Variants in MAML3 observed in about 807,000 individuals in gnomAD.
MAML3 encodes mastermind-like protein 3.
In MAML3, 27 loss-of-function variants were observed where a neutral mutation model predicts 101.9. That is an observed-to-expected ratio of 0.27 (90% CI 0.20 to 0.37). MAML3 has a LOEUF of 0.37. Among genes scored for constraint, MAML3 ranks in the 10% least tolerant of loss-of-function variants. The pLI is 1.00. For missense variants in MAML3, 1,316 were observed against 1,444.9 expected, an observed-to-expected ratio of 0.91 and a Z score of 1.45; for synonymous variants, 501 against 555.9, an observed-to-expected ratio of 0.90 and a Z score of 1.39.
chr4:139,730,925 GGACT>G (rs1367459222), intron 2 of MAML3: 5 of 542,672 alleles, frequency 9.2e-6, no homozygotes, highest in Non-Finnish European at 1.7e-5. Context: ...GTTTCGGATG[GGACT>G]GACTATTGCA....
At chr4:139,891,708 C>A (rs75820178) in intron 1 of MAML3, among the ~76,000 whole-genome samples, 2 of 152,166 alleles carry the variant, frequency 1.3e-5, no homozygotes, top group African/African-American at 4.8e-5. Flanking sequence ...AAAATAAAAA[C>A]TTCTAAGAAT....
At chr4:139,720,452 C>G (rs1388542499) in intron 4 of MAML3, 129 bp from the exon 5 acceptor site, 1 of 812,854 alleles carries the variant, frequency 1.2e-6, no homozygotes, top group Non-Finnish European at 1.8e-6. Flanking sequence ...GATAATAAAT[C>G]TGTAACAAAA....
chr4:139,735,277 G>A lies in MAML3; in HGVS notation c.2080-4610C>T, dbSNP rs532220783. 6.6e-6 allele frequency among the ~76,000 whole-genome samples: 1 copy of A among 152,340 alleles called. No individual in the cohort carries two copies. Among genetic ancestry groups the A allele is most frequent in the South Asian group, 2.1e-4 (1 of 4,830 alleles). Reference sequence around the variant, plus strand: ...TCGAGGCCCTCTTTGCACAAAATGAGTTCTCTCTCCATTGCCGTGTATCTC... The same window carrying A: ...TCGAGGCCCTCTTTGCACAAAATGAATTCTCTCTCCATTGCCGTGTATCTC... On this transcript the variant is annotated intron_variant, in intron 2 of 4. Coordinates refer to ENST00000509479, the MANE Select transcript of MAML3 (RefSeq NM_018717.5). This position sits in a 1 kb window ranked among gnomAD's most constrained non-coding sequence, Gnocchi z 5.8.
chr4:139,992,082 A>G (rs1161170686), intron 1 of MAML3, among the ~76,000 whole-genome samples: 1 of 152,144 alleles, frequency 6.6e-6, no homozygotes, highest in Non-Finnish European at 1.5e-5. Flanking sequence ...TTTTCTAGAC[A>G]TTTCACACAA....
chr4:139,875,036 C>G (rs1256073211), intron 2 of MAML3, among the ~76,000 whole-genome samples: 1 of 152,088 alleles, frequency 6.6e-6, no homozygotes, highest in Non-Finnish European at 1.5e-5. Flanking sequence ...ATCTCCTGAC[C>G]TCGTGATCTG....
At chr4:140,071,907 C>T (rs1031447793) in intron 1 of MAML3, among the ~76,000 whole-genome samples, 2 of 151,900 alleles carry the variant, frequency 1.3e-5, no homozygotes, top group African/African-American at 2.4e-5. Flanking sequence ...GTGTGGGGTG[C>T]AAGAATGTCC....
chr4:140,134,987 G>A (rs1308487770), intron 1 of MAML3, among the ~76,000 whole-genome samples: 2 of 152,116 alleles, frequency 1.3e-5, no homozygotes, highest in Non-Finnish European at 2.9e-5. Flanking sequence ...TTTGCACTTT[G>A]GAATCAAAAG....
intron 2 of MAML3, among the ~76,000 whole-genome samples, chr4:139,872,992 G>T (rs1212161216): frequency 1.3e-5 from 2 of 152,132 alleles, no homozygotes; most frequent in East Asian, 3.9e-4. Flanking sequence ...GAGGCAGGAA[G>T]AATTGCTTGA....
intron 1 of MAML3, among the ~76,000 whole-genome samples, chr4:139,989,698 T>C (rs1054752788): frequency 4.6e-5 from 7 of 151,998 alleles, no homozygotes; most frequent in Non-Finnish European, 7.4e-5. Flanking sequence ...AGGCTACCCT[T>C]CTTCACTGAA....
chr4:139,967,098 T>G (rs191756767), intron 1 of MAML3, among the ~76,000 whole-genome samples: 134 of 152,324 alleles, frequency 8.8e-4, no homozygotes, highest in African/African-American at 3.2e-3. Context: ...AAAGTCCTAA[T>G]ATTAGAAGAA....
intron 1 of MAML3, among the ~76,000 whole-genome samples, chr4:139,992,852 G>C (rs555105385): frequency 1.1e-4 from 16 of 152,188 alleles, no homozygotes; most frequent in Admixed American, 9.2e-4. Context: ...CCACCGCACC[G>C]AGCCTATTTT....
At chr4:139,895,035 C>T (rs1578652206) in intron 1 of MAML3, among the ~76,000 whole-genome samples, 2 of 152,210 alleles carry the variant, frequency 1.3e-5, no homozygotes, top group Admixed American at 6.5e-5. Flanking sequence ...ATGAATGGAG[C>T]AGGACAGAGA....
chr4:140,021,704 CTT>C (rs1180683537), intron 1 of MAML3, among the ~76,000 whole-genome samples: 3 of 151,990 alleles, frequency 2.0e-5, no homozygotes, highest in South Asian at 2.1e-4. Context: ...TCTTCTTTCT[CTT>C]CTTTATCCAG....
Position 139,890,670 on chromosome 4 carries a change from C to T in MAML3, c.766G>A (p.Val256Ile), listed in dbSNP as rs754301928. 7 of 1,613,870 alleles carry T rather than the reference C, an allele frequency of 4.3e-6. No homozygotes were observed. Among genetic ancestry groups the T allele is most frequent in the Admixed American group, 1.7e-5 (1 of 60,008 alleles). ...TCCTCCAGGTCACTGCAACCGTTGA[C>T]AGGAAGTTTAATCTCAGGGAGCCTA... ...NGRLPEIKLP[V>I]NGCSDLEDSF... is the part of the protein sequence containing the mutation. Residue 256 changes from valine to isoleucine, a missense_variant, in exon 2 of 5, where the codon GTC becomes ATC. By Grantham distance (29) the Val-to-Ile change is conservative (BLOSUM62 3). Transcript: ENST00000509479. The surrounding 1 kb of genome is among the most constrained non-coding windows in gnomAD (Gnocchi z 4.1).
At chr4:140,127,592 G>A (rs900024383) in intron 1 of MAML3, among the ~76,000 whole-genome samples, 2 of 152,100 alleles carry the variant, frequency 1.3e-5, no homozygotes, top group African/African-American at 2.4e-5. Flanking sequence ...GAGAAAACAT[G>A]TTGGCTTCCC....
intron 1 of MAML3, among the ~76,000 whole-genome samples, chr4:140,053,246 G>A (rs558311892): frequency 1.7e-4 from 26 of 152,180 alleles, no homozygotes; most frequent in Admixed American, 6.5e-4. Flanking sequence ...TATTCTTCAT[G>A]TCTTCATGGC....
chr4:140,149,939 CTTTT>C (rs3051828), intron 1 of MAML3, among the ~76,000 whole-genome samples: 11 of 129,856 alleles, frequency 8.5e-5, no homozygotes, highest in East Asian at 2.2e-4. Context: ...ATGTTTCTTT[CTTTT>C]TTTTTTTTTT....
At chr4:139,978,493 G>A (rs974888345) in intron 1 of MAML3, among the ~76,000 whole-genome samples, 2 of 151,994 alleles carry the variant, frequency 1.3e-5, no homozygotes, top group Admixed American at 6.6e-5. Flanking sequence ...ATCTGCAAAT[G>A]CTTTAAAAAC....
In MAML3 at chr4:140,154,124, G is replaced by A. The variant is rs915503020; in HGVS notation, c.-797C>T. On this transcript the variant is annotated 5_prime_UTR_variant, in exon 1 of 5. Transcript: ENST00000509479. ...TCAACTGCTCGCCGCCGCCGCCGCC[G>A]CCGCCTCCTCCTCCTCCTCTCGCTC... 5.5e-6 allele frequency: 1 copy of A among 182,102 alleles called. No homozygotes were observed. Among genetic ancestry groups the A allele is most frequent in the Non-Finnish European group, 1.1e-5 (1 of 87,008 alleles). 11.3% of individuals were successfully genotyped at this position (182,102 alleles called of 1,614,324 possible).
Sources: allele counts gnomAD v4.1 joint callset (sites outside exome capture counted in the v4.1 genomes callset), GRCh38; gene constraint gnomAD v4.1.1; non-coding constraint Gnocchi (gnomAD v3.1); transcripts MANE v1.5; gene names NCBI Gene and HGNC (gene_info 2026-07-23, HGNC 2026-07-21).